WWOX: variants seen among roughly 807,000 people sequenced by gnomAD.
WWOX encodes WW domain-containing oxidoreductase.
Under a neutral mutation model 46.2 loss-of-function variants are expected in WWOX, and 69 were observed. The observed-to-expected ratio is 1.49, with a 90% confidence interval of 1.23 to 1.82. The LOEUF is 1.82. Ranked by LOEUF, WWOX falls within the 40% of genes most tolerant of loss-of-function variation. The pLI is 0.00. For synonymous variants in WWOX, 359 were observed against 202.6 expected (o/e 1.77, Z -6.56); for missense variants, 919 against 542.6 (o/e 1.69, Z -6.89).
rs180788863 is a variant in WWOX at position 78,991,555 on chromosome 16, T to C, written c.1057-220053T>C. Among the ~76,000 whole-genome samples the C allele has an allele frequency of 2.2e-4, 31 of 141,562 alleles. No homozygotes were observed. The Admixed American group carries it at 2.2e-3, about 10-fold the overall frequency. The allele number at this position is 141,562 out of a possible 152,430, so 92.9% of individuals were successfully genotyped here. A position where few individuals can be genotyped will look rare whatever the true frequency, so the allele number is the denominator to read the frequency against. ...ATTTGAGGCTATAGTGAGCCATGAT[T>C]GCACCACTGCACTCCAGACTGGGAG... On this transcript the variant is annotated intron_variant, in intron 8 of 8. Coordinates refer to ENST00000566780, the MANE Select transcript of WWOX (RefSeq NM_016373.4).
intron 8 of WWOX, chr16:79,077,888 C>T (rs552516303): frequency 6.6e-6 from 1 of 152,304 alleles, no homozygotes. Context: ...TTACTCAACT[C>T]TCCCGAGAGG....
At chr16:78,599,445 A>T (rs763089968) in intron 8 of WWOX, among the ~76,000 whole-genome samples, 6 of 152,168 alleles carry the variant, frequency 3.9e-5, no homozygotes, top group Admixed American at 3.3e-4. Flanking sequence ...TGGCTGGGGA[A>T]TTGGCCTGTC....
chr16:78,790,406 A>C (rs1378617769), intron 8 of WWOX, among the ~76,000 whole-genome samples: 2 of 152,134 alleles, frequency 1.3e-5, no homozygotes, highest in Non-Finnish European at 2.9e-5. Context: ...AAGTGCTGGG[A>C]TTACAGGTGT....
At chr16:79,021,072 C>G (rs1191743784) in intron 8 of WWOX, among the ~76,000 whole-genome samples, 1 of 152,156 alleles carries the variant, frequency 6.6e-6, no homozygotes, top group Non-Finnish European at 1.5e-5. Flanking sequence ...TGTTCATTTA[C>G]CTCATTCAAA....
At chr16:78,691,251 T>C in intron 8 of WWOX, 1 of 702,284 alleles carries the variant, frequency 1.4e-6, no homozygotes. Flanking sequence ...GGTTTCAGAC[T>C]GCCTGGTAGA....
At chr16:78,817,412 G>C (rs1162900603) in intron 8 of WWOX, among the ~76,000 whole-genome samples, 2 of 152,104 alleles carry the variant, frequency 1.3e-5, no homozygotes, top group Non-Finnish European at 2.9e-5. Context: ...TCCTTAAAGA[G>C]CTAATATCTT....
chr16:78,692,014 T>C (rs13337300), intron 8 of WWOX, among the ~76,000 whole-genome samples: 8,207 of 152,252 alleles, frequency 0.054, 733 homozygotes, highest in African/African-American at 0.18. Flanking sequence ...CTCTTGCCAC[T>C]GCCATGTAAG....
At chr16:78,876,090 A>C (rs1264867972) in intron 8 of WWOX, among the ~76,000 whole-genome samples, 1 of 152,166 alleles carries the variant, frequency 6.6e-6, no homozygotes, top group East Asian at 1.9e-4. Flanking sequence ...TTTTGTGCTG[A>C]GGAACTCTAG....
At chr16:78,462,823 A>C (rs116135954) in intron 8 of WWOX, among the ~76,000 whole-genome samples, 2,076 of 152,300 alleles carry the variant, frequency 0.014, 26 homozygotes, top group African/African-American at 0.023. Context: ...GGCAGCGGGC[A>C]CTGGGGCAGC....
intron 8 of WWOX, among the ~76,000 whole-genome samples, chr16:78,493,355 G>A (rs1279683398): frequency 1.3e-5 from 2 of 152,188 alleles, no homozygotes; most frequent in Non-Finnish European, 2.9e-5. Context: ...TTCACTGCAA[G>A]ATCGACAGGC....
At chr16:78,667,455 G>A (rs180951853) in intron 8 of WWOX, among the ~76,000 whole-genome samples, 26 of 152,168 alleles carry the variant, frequency 1.7e-4, no homozygotes, top group African/African-American at 5.8e-4. Flanking sequence ...TGGATCACAA[G>A]GTCAGGAGTT....
intron 8 of WWOX, among the ~76,000 whole-genome samples, chr16:79,153,257 CCT>C (rs2050316605): frequency 6.6e-6 from 1 of 152,156 alleles, no homozygotes; most frequent in African/African-American, 2.4e-5. Flanking sequence ...TGACCCCAGT[CCT>C]ACCTGACTTC....
At chr16:78,810,729 T>C (rs2051166478) in intron 8 of WWOX, among the ~76,000 whole-genome samples, 1 of 152,194 alleles carries the variant, frequency 6.6e-6, no homozygotes, top group Non-Finnish European at 1.5e-5. Flanking sequence ...GAATATAAAC[T>C]AGATTTGCTC....
chr16:78,877,250 A>G (rs973511819), intron 8 of WWOX, among the ~76,000 whole-genome samples: 1 of 151,912 alleles, frequency 6.6e-6, no homozygotes, highest in African/African-American at 2.4e-5. Context: ...ACAGTAGGAC[A>G]CCAAACCCTC....
rs71140804 is a variant in WWOX at position 78,495,145 on chromosome 16, C to CTTTTTT, written c.1056+62402_1056+62407dup. Among the ~76,000 whole-genome samples the CTTTTTT allele has an allele frequency of 7.2e-4, 84 of 116,602 alleles. 6 individuals carry two copies. Among genetic ancestry groups the CTTTTTT allele is most frequent in the African/African-American group, 2.3e-3 (77 of 34,076 alleles). The allele number at this position is 116,602 out of a possible 152,430, so 76.5% of individuals were successfully genotyped here. On this transcript the variant is annotated intron_variant, in intron 8 of 8. Transcript: ENST00000566780. ...AAGATTAGTAGTAGACTGTTGTGTT[C>CTTTTTT]TTTTTTTTTTTTTTGAGATAGACTC...
chr16:78,158,761 C>T lies in WWOX; in HGVS notation c.410-5422C>T, dbSNP rs887300552. Among the ~76,000 whole-genome samples, 37 of 152,004 alleles carry T rather than the reference C, an allele frequency of 2.4e-4. 1 individual carries two copies. Among genetic ancestry groups the T allele is most frequent in the South Asian group, 2.1e-4 (1 of 4,814 alleles). ...TATGATTGATGTACAAAAAGCCTTACGTATTTGATGTATAGAACTTGATAA... is the reference window on the plus strand; with the variant it reads ...TATGATTGATGTACAAAAAGCCTTATGTATTTGATGTATAGAACTTGATAA... On this transcript the variant is annotated intron_variant, in intron 4 of 8. Transcript: ENST00000566780.
intron 8 of WWOX, among the ~76,000 whole-genome samples, chr16:78,593,901 G>T (rs879805670): frequency 6.6e-6 from 1 of 152,134 alleles, no homozygotes; most frequent in Non-Finnish European, 1.5e-5. Flanking sequence ...TGATCTTTGG[G>T]TTCCTTCTTT....
At chr16:78,429,081 A>G (rs2083155590) in intron 7 of WWOX, among the ~76,000 whole-genome samples, 1 of 152,166 alleles carries the variant, frequency 6.6e-6, no homozygotes, top group Non-Finnish European at 1.5e-5. Flanking sequence ...CTAATTCTGT[A>G]TTGAGTCCTT....
At chr16:78,451,930 T>C (rs948818544) in intron 8 of WWOX, among the ~76,000 whole-genome samples, 7 of 152,230 alleles carry the variant, frequency 4.6e-5, no homozygotes, top group Admixed American at 1.3e-4. Context: ...ACGTAATGTA[T>C]TGTTGGAGCC....
Sources: gnomAD v4.1 joint callset for allele counts (sites outside exome capture counted in the v4.1 genomes callset) on GRCh38, gnomAD v4.1.1 for gene constraint, MANE v1.5 for transcripts, NCBI Gene and HGNC (gene_info 2026-07-23, HGNC 2026-07-21) for gene names.